Variants in LRRK2 observed in about 807,000 individuals in gnomAD.
The protein encoded by LRRK2 is leucine rich repeat kinase 2, also known as leucine-rich repeat serine/threonine-protein kinase 2.
LRRK2 carries 203 observed loss-of-function variants against 302.6 expected under a neutral mutation model. The observed-to-expected ratio is 0.67, with a 90% CI of 0.60 to 0.75. LRRK2 has a LOEUF of 0.75. Among genes scored for constraint, LRRK2 ranks in the 30% least tolerant of loss-of-function variants. The probability of loss-of-function intolerance (pLI) is 0.00; values close to 1 mark genes in which losing one functional copy is unlikely to be tolerated. For synonymous variants in LRRK2, 1,066 were observed against 1,031.9 expected, an observed-to-expected ratio of 1.03 and a Z score of -0.63; for missense variants, 2,830 against 2,951.0, an observed-to-expected ratio of 0.96 and a Z score of 0.95.
Position 40,367,608 on chromosome 12 carries a change from T to A in LRRK2, c.7463-36T>A, listed in dbSNP as rs758247525. The A allele has an allele frequency of 8.2e-6, 13 of 1,587,762 alleles. No individual in the cohort carries two copies. The East Asian group carries it at 2.9e-4, about 36-fold the overall frequency. ...TAAAATAAGAATGTTTTATGATGGA[T>A]CTTTGAAACATGATTTCATTTTTTT... On this transcript the variant is annotated intron_variant, in intron 50 of 50. Coordinates refer to ENST00000298910, the MANE Select transcript of LRRK2 (RefSeq NM_198578.4).
Position 40,321,055 on chromosome 12 carries a change from G to A in LRRK2, c.5037G>A (p.Val1679=), listed in dbSNP as rs911609854. The A allele has an allele frequency of 6.2e-7, 1 of 1,612,652 alleles. No homozygotes were observed. Among genetic ancestry groups the A allele is most frequent in the Non-Finnish European group, 8.5e-7 (1 of 1,178,986 alleles). The stretch of plus-strand genomic sequence containing the variant: ...TTAGTTTGTCTGACCACAGGCCTGT[G>A]ATAGAGCTTCCCCATTGTGAGAACT... ...VPSSLSDHRP[V]IELPHCENSE... Residue 1679 remains valine (V), a synonymous_variant, in exon 35 of 51, where the codon GTG becomes GTA. Coordinates refer to ENST00000298910, the MANE Select transcript of LRRK2 (RefSeq NM_198578.4).
Position 40,249,808 on chromosome 12 carries a change from GT to G in LRRK2, c.839-15del. On this transcript the variant is annotated splice_polypyrimidine_tract_variant and intron_variant, in intron 7 of 50. Coordinates refer to ENST00000298910, the MANE Select transcript of LRRK2 (RefSeq NM_198578.4). ...TTCCATGGATGAGAATTCAGCTAAT[GT>G]TTCACTTAACTTTTAGGTAATTTTT... is the stretch of plus-strand genomic sequence containing the variant. The G allele has an allele frequency of 6.2e-7, 1 of 1,612,876 alleles. No individual in the cohort carries two copies. Among genetic ancestry groups the G allele is most frequent in the Middle Eastern group, 1.7e-4 (1 of 6,052 alleles).
chr12:40,226,699 A>G (rs2136371462), intron 2 of LRRK2, among the ~76,000 whole-genome samples: 1 of 152,332 alleles, frequency 6.6e-6, no homozygotes, highest in Admixed American at 6.5e-5. Context: ...CGCTGCTATC[A>G]AACCAAACCA....
chr12:40,267,212 G>T (rs972194995), intron 14 of LRRK2, among the ~76,000 whole-genome samples: 1 of 152,162 alleles, frequency 6.6e-6, no homozygotes, highest in African/African-American at 2.4e-5. Context: ...GGACTACAAT[G>T]CAAATGCTGA....
At chr12:40,342,870 C>T (rs1193295558) in intron 41 of LRRK2, among the ~76,000 whole-genome samples, 2 of 151,924 alleles carry the variant, frequency 1.3e-5, no homozygotes, top group Non-Finnish European at 2.9e-5. Context: ...AGGTCCATTA[C>T]GGCTGTATTA....
At chr12:40,309,751 T>A (rs1236231193) in intron 30 of LRRK2, among the ~76,000 whole-genome samples, 3 of 152,128 alleles carry the variant, frequency 2.0e-5, no homozygotes, top group Admixed American at 2.0e-4. Flanking sequence ...CTTCAAACAC[T>A]ATGGCTTTTT....
intron 45 of LRRK2, 90 bp downstream of exon 45, chr12:40,354,582 G>A (rs373529917): frequency 1.6e-6 from 2 of 1,213,442 alleles, no homozygotes; most frequent in African/African-American, 1.5e-5. Flanking sequence ...AGCAAAGATT[G>A]TTCATTTTTA....
intron 33 of LRRK2, among the ~76,000 whole-genome samples, chr12:40,318,240 G>C (rs1178516627): frequency 6.6e-6 from 1 of 152,042 alleles, no homozygotes; most frequent in Non-Finnish European, 1.5e-5. Context: ...GGAAGGAAAA[G>C]AGACTCTATA....
At chr12:40,276,904 T>A (rs1341435673) in intron 16 of LRRK2, among the ~76,000 whole-genome samples, 1 of 152,122 alleles carries the variant, frequency 6.6e-6, no homozygotes, top group Admixed American at 6.5e-5. Flanking sequence ...ACAATCTCGG[T>A]TCACTGCAAC....
intron 18 of LRRK2, among the ~76,000 whole-genome samples, chr12:40,279,492 A>G (rs1470681434): frequency 6.6e-6 from 1 of 152,176 alleles, no homozygotes; most frequent in Non-Finnish European, 1.5e-5. Context: ...AAATTTTTCC[A>G]TCAATAATTT....
chr12:40,243,487 GT>G (rs1941831617), intron 6 of LRRK2, 62 bp from the exon 7 acceptor site: 1 of 1,575,152 alleles, frequency 6.3e-7, no homozygotes. Flanking sequence ...AGACGTCTTT[GT>G]ATGCATATTT....
chr12:40,295,060 A>G (rs1178058049), intron 22 of LRRK2, 146 bp downstream of exon 22: 2 of 601,056 alleles, frequency 3.3e-6, no homozygotes, highest in Non-Finnish European at 5.9e-6. Context: ...GATTCCTTCC[A>G]TAAGCTATAG....
At chr12:40,243,763 G>T in intron 7 of LRRK2, 82 bp downstream of exon 7, 1 of 1,281,764 alleles carries the variant, frequency 7.8e-7, no homozygotes, top group Non-Finnish European at 1.1e-6. Flanking sequence ...CATAATAATG[G>T]ATAAGTAGCA....
intron 31 of LRRK2, among the ~76,000 whole-genome samples, chr12:40,313,095 G>A (rs573638936): frequency 6.6e-6 from 1 of 152,072 alleles, no homozygotes; most frequent in African/African-American, 2.4e-5. Context: ...GTAAGTGTAA[G>A]AATTTAAGCA....
At position 40,305,845 on chromosome 12, in the gene LRRK2, G is replaced by C; in HGVS notation, c.3838G>C (p.Glu1280Gln). Reference protein sequence around the residue: ...LTSLDVSYNLELRSFPNEMGK... With the variant: ...LTSLDVSYNLQLRSFPNEMGK... Reference sequence around the variant, plus strand: ...ATCTCTGGATGTCAGTTACAACTTGGAACTAAGATCCTTTCCCAATGAAAT... The same window carrying C: ...ATCTCTGGATGTCAGTTACAACTTGCAACTAAGATCCTTTCCCAATGAAAT... Residue 1280 changes from glutamate (E) to glutamine (Q), a missense_variant, in exon 28 of 51, where the codon GAA becomes CAA. By Grantham distance (29) the Glu-to-Gln change is conservative. Around this residue, in one of 3 missense-constraint regions of LRRK2, gnomAD observed 2,121 missense variants for 2,148.0 expected, o/e 0.99. Coordinates refer to ENST00000298910, the MANE Select transcript of LRRK2 (RefSeq NM_198578.4). 6.2e-7 allele frequency: 1 copy of C among 1,613,524 alleles called. No homozygotes were observed. Among genetic ancestry groups the C allele is most frequent in the Non-Finnish European group, 8.5e-7 (1 of 1,179,684 alleles).
chr12:40,250,623 A>G (rs2136474146), intron 8 of LRRK2, among the ~76,000 whole-genome samples: 1 of 152,346 alleles, frequency 6.6e-6, no homozygotes, highest in South Asian at 2.1e-4. Context: ...TAAGCCCAGC[A>G]TGCATTAGCT....
In LRRK2 at chr12:40,232,306, A is replaced by C. The variant is rs1941238776; in HGVS notation, c.270A>C (p.Glu90Asp). ...VGWSLLCKLI[E>D]VCPGTMQSLM... ...GGTCACTTCTGTGCAAATTAATAGA[A>C]GTCTGTCCAGGTACAATGCAAAGCT... is the stretch of plus-strand genomic sequence containing the variant. Residue 90 changes from glutamate to aspartate, a missense_variant, in exon 3 of 51, where the codon GAA becomes GAC. Transcript: ENST00000298910. 1.2e-6 allele frequency: 2 copies of C among 1,614,134 alleles called. No homozygotes were observed. The highest frequency in any genetic ancestry group is 1.7e-6 in the Non-Finnish European group (2 of 1,179,994).
chr12:40,297,865 C>G (rs1413280059), intron 23 of LRRK2, among the ~76,000 whole-genome samples: 1 of 152,026 alleles, frequency 6.6e-6, no homozygotes, highest in Non-Finnish European at 1.5e-5. Context: ...AAATTTCTGA[C>G]AGCATTTAAA....
At chr12:40,232,607 T>G (rs72547913) in intron 3 of LRRK2, 5 of 411,746 alleles carry the variant, frequency 1.2e-5, no homozygotes, top group African/African-American at 8.0e-5. Flanking sequence ...GAAGTTATTA[T>G]TTTAATAATA....
Sources: gnomAD v4.1 joint callset for allele counts (sites outside exome capture counted in the v4.1 genomes callset) on GRCh38, gnomAD v4.1.1 for gene constraint, gnomAD v4.1.1 regional missense constraint, MANE v1.5 for transcripts, NCBI Gene and HGNC (gene_info 2026-07-23, HGNC 2026-07-21) for gene names.